Variants in CCDC33 observed in about 807,000 individuals in gnomAD.
CCDC33 encodes coiled-coil domain-containing protein 33.
Under a neutral mutation model 91.9 loss-of-function variants are expected in CCDC33, and 94 were observed. The observed-to-expected ratio is 1.02, with a 90% CI of 0.87 to 1.21. The LOEUF (loss-of-function observed/expected upper bound fraction) is 1.21. CCDC33 is among the 50% of genes most tolerant of loss of function. The probability of loss-of-function intolerance (pLI) is 0.00; values close to 1 mark genes in which losing one functional copy is unlikely to be tolerated. For missense variants in CCDC33, 940 were observed against 935.5 expected (o/e 1.00, Z -0.06); for synonymous variants, 396 against 374.5 (o/e 1.06, Z -0.66).
At chr15:74,306,102 C>T (rs1197747550) in intron 11 of CCDC33, among the ~76,000 whole-genome samples, 1 of 152,162 alleles carries the variant, frequency 6.6e-6, no homozygotes, top group African/African-American at 2.4e-5. Context: ...ACAACTCACC[C>T]AGGCCTCTCC....
chr15:74,250,263 G>A (rs1218413276), intron 2 of CCDC33, among the ~76,000 whole-genome samples: 2 of 152,134 alleles, frequency 1.3e-5, no homozygotes, highest in East Asian at 3.8e-4. Flanking sequence ...TGGTGCCATA[G>A]TACCAAAGGA....
chr15:74,305,791 C>T (rs193183732), intron 11 of CCDC33, among the ~76,000 whole-genome samples: 4 of 152,202 alleles, frequency 2.6e-5, no homozygotes, highest in East Asian at 1.9e-4. Context: ...CTGGTTATCT[C>T]GCCCCACAGA....
At chr15:74,261,340 A>G (rs1206224158) in intron 2 of CCDC33, among the ~76,000 whole-genome samples, 1 of 152,222 alleles carries the variant, frequency 6.6e-6, no homozygotes, top group Admixed American at 6.5e-5. Flanking sequence ...GGGGGACTCC[A>G]GAGGGCTTCT....
chr15:74,328,822 C>T (rs1258617943), intron 11 of CCDC33, among the ~76,000 whole-genome samples: 1 of 152,166 alleles, frequency 6.6e-6, no homozygotes. Context: ...TTGCTGGGGG[C>T]CGAGCTCTGC....
At chr15:74,227,423 A>G (rs1317006479) in intron 2 of CCDC33, among the ~76,000 whole-genome samples, 2 of 152,142 alleles carry the variant, frequency 1.3e-5, no homozygotes, top group African/African-American at 4.8e-5. Flanking sequence ...AAGCACTTTG[A>G]GGGAGGAGAT....
intron 2 of CCDC33, among the ~76,000 whole-genome samples, chr15:74,249,889 C>T (rs2075651576): frequency 6.6e-6 from 1 of 152,106 alleles, no homozygotes; most frequent in Non-Finnish European, 1.5e-5. Flanking sequence ...TCTTTGAAGC[C>T]CTTTCTCCCC....
intron 11 of CCDC33, among the ~76,000 whole-genome samples, chr15:74,308,190 C>A (rs2059926619): frequency 6.6e-6 from 1 of 152,138 alleles, no homozygotes. Context: ...GCTGGAGCCC[C>A]TCTTGTCCAG....
At chr15:74,297,139 A>T (rs1366001063) in intron 11 of CCDC33, among the ~76,000 whole-genome samples, 20 of 151,956 alleles carry the variant, frequency 1.3e-4, no homozygotes, top group Admixed American at 1.3e-3. Context: ...CCACATGAGC[A>T]CCCCTGCCCA....
At chr15:74,287,516 A>T (rs930819469) in intron 10 of CCDC33, among the ~76,000 whole-genome samples, 4 of 151,730 alleles carry the variant, frequency 2.6e-5, no homozygotes, top group Non-Finnish European at 5.9e-5. Context: ...TCCAAAGAAA[A>T]CTTAGAGCTG....
intron 15 of CCDC33, among the ~76,000 whole-genome samples, 188 bp from the exon 16 acceptor site, chr15:74,332,491 G>T (rs572062728): frequency 1.3e-5 from 2 of 152,314 alleles, no homozygotes; most frequent in Admixed American, 1.3e-4. Context: ...AGAACGTTGA[G>T]GTCAGGTTCT....
At chr15:74,300,832 T>C in intron 11 of CCDC33, 1 of 152,820 alleles carries the variant, frequency 6.5e-6, no homozygotes, top group Non-Finnish European at 1.5e-5. Context: ...TCCCTGTCCC[T>C]GGATGTGCCC....
chr15:74,214,383 T>C (rs2074394722), upstream of CCDC33, among the ~76,000 whole-genome samples: 1 of 151,982 alleles, frequency 6.6e-6, no homozygotes, highest in African/African-American at 2.4e-5. Context: ...CCCACATCCC[T>C]TACCCCTTCT....
intron 5 of CCDC33, among the ~76,000 whole-genome samples, chr15:74,269,518 C>T (rs532123616): frequency 6.6e-5 from 10 of 152,336 alleles, no homozygotes; most frequent in African/African-American, 2.4e-4. Context: ...TTCTATCACG[C>T]CCTTTCCTGA....
chr15:74,269,312 C>T (rs896619374), intron 5 of CCDC33, among the ~76,000 whole-genome samples: 2 of 151,484 alleles, frequency 1.3e-5, no homozygotes, highest in Non-Finnish European at 2.9e-5. Context: ...CTTCCCACCC[C>T]CCTACTTCCC....
At chr15:74,239,047 G>A (rs536268360) in intron 1 of CCDC33, among the ~76,000 whole-genome samples, 12 of 152,374 alleles carry the variant, frequency 7.9e-5, no homozygotes, top group East Asian at 7.7e-4. Context: ...TTAACTGAAA[G>A]TCCTTGTGAA....
chr15:74,257,550 T>C (rs989562287), intron 2 of CCDC33, among the ~76,000 whole-genome samples: 1 of 152,116 alleles, frequency 6.6e-6, no homozygotes, highest in Non-Finnish European at 1.5e-5. Context: ...AAGACACTGA[T>C]TGTGGCCACG....
chr15:74,277,632 C>T (rs977651118), intron 7 of CCDC33, among the ~76,000 whole-genome samples: 5 of 152,226 alleles, frequency 3.3e-5, no homozygotes, highest in African/African-American at 1.2e-4. Context: ...AGGGCTCTGG[C>T]GTCAGACTGC....
At position 74,283,578 on chromosome 15, in the gene CCDC33, T is replaced by C. The variant is rs191937266; in HGVS notation, c.1095+1729T>C. ...CTCACTAAATTATCCCTCCAAGTCA[T>C]GCGGGAAAATGCTGCCGAATTCATT... On this transcript the variant is annotated intron_variant, in intron 10 of 18. Transcript: ENST00000398814. Among the ~76,000 whole-genome samples, 304 of 152,310 alleles carry C rather than the reference T, an allele frequency of 2.0e-3. 7 individuals carry two copies. The highest frequency in any genetic ancestry group is 0.019 in the Admixed American group (286 of 15,298).
chr15:74,333,613 T>C lies in CCDC33; in HGVS notation c.1939-268T>C, dbSNP rs547628092. Among the ~76,000 whole-genome samples the C allele has an allele frequency of 2.5e-4, 38 of 152,238 alleles. 1 individual carries two copies. Among genetic ancestry groups the C allele is most frequent in the Admixed American group, 2.2e-3 (34 of 15,298 alleles). ...TCCCAGTGCGTTAATTATAGGGGGC[T>C]CCCTAATGCATTTTACATTAAAAAA... On this transcript the variant is annotated intron_variant, in intron 16 of 18. Coordinates refer to ENST00000398814, the MANE Select transcript of CCDC33 (RefSeq NM_025055.5).
Sources: gnomAD v4.1 joint callset for allele counts (sites outside exome capture counted in the v4.1 genomes callset) on GRCh38, gnomAD v4.1.1 for gene constraint, MANE v1.5 for transcripts, NCBI Gene and HGNC (gene_info 2026-07-23, HGNC 2026-07-21) for gene names.